Variants in CAMK2D observed in about 807,000 individuals in gnomAD.
CAMK2D encodes calcium/calmodulin dependent protein kinase II delta.
In CAMK2D, 37 loss-of-function variants were observed where a neutral mutation model predicts 84.0. That is an observed-to-expected ratio of 0.44 (90% CI 0.34 to 0.58). CAMK2D has a LOEUF of 0.58. Among genes scored for constraint, CAMK2D ranks in the 20% least tolerant of loss-of-function variants. The pLI, the probability that CAMK2D is intolerant of heterozygous loss-of-function variation, is 0.02. For synonymous variants in CAMK2D, 202 were observed against 212.5 expected (o/e 0.95, Z 0.43); for missense variants, 448 against 652.5 (o/e 0.69, Z 3.41).
chr4:113,617,021 C>G (rs891284142), intron 3 of CAMK2D, among the ~76,000 whole-genome samples: 1 of 152,150 alleles, frequency 6.6e-6, no homozygotes, highest in East Asian at 1.9e-4. Context: ...TTCCTTCCCT[C>G]TTTAAATTTT....
chr4:113,460,654 T>C (rs957785596), intron 17 of CAMK2D, among the ~76,000 whole-genome samples: 3 of 150,998 alleles, frequency 2.0e-5, no homozygotes, highest in African/African-American at 4.8e-5. Context: ...TCTTTGATTC[T>C]GAAATTAAAT....
intron 2 of CAMK2D, among the ~76,000 whole-genome samples, chr4:113,741,040 T>C (rs955031790): frequency 4.6e-5 from 7 of 152,288 alleles, no homozygotes; most frequent in Middle Eastern, 3.4e-3. Context: ...TGGATCCACA[T>C]TGTTTATGCT....
intron 16 of CAMK2D, among the ~76,000 whole-genome samples, chr4:113,493,656 G>A (rs1399209660): frequency 1.3e-5 from 2 of 151,684 alleles, no homozygotes; most frequent in East Asian, 3.9e-4. Context: ...TCTTTGTGGT[G>A]TTCTCTGTAT....
chr4:113,521,237 G>T (rs1179150985), intron 8 of CAMK2D, among the ~76,000 whole-genome samples: 1 of 152,060 alleles, frequency 6.6e-6, no homozygotes, highest in Non-Finnish European at 1.5e-5. Flanking sequence ...GTTGAATTTT[G>T]ATTATCATTA....
At chr4:113,694,821 C>T (rs1015940942) in intron 2 of CAMK2D, among the ~76,000 whole-genome samples, 6 of 152,174 alleles carry the variant, frequency 3.9e-5, no homozygotes, top group Non-Finnish European at 7.3e-5. Context: ...TGGTTTACTA[C>T]GTGAGACCAG....
At chr4:113,625,859 C>A (rs1212150435) in intron 3 of CAMK2D, among the ~76,000 whole-genome samples, 1 of 151,890 alleles carries the variant, frequency 6.6e-6, no homozygotes, top group Non-Finnish European at 1.5e-5. Flanking sequence ...AAGGTAGAAA[C>A]ACAGAAACAT....
intron 4 of CAMK2D, among the ~76,000 whole-genome samples, chr4:113,586,140 C>T (rs926561934): frequency 6.6e-6 from 1 of 152,176 alleles, no homozygotes; most frequent in African/African-American, 2.4e-5. Context: ...TTTCCAGCTC[C>T]ACAAGCTAGC....
chr4:113,709,755 A>ATATATATATATATATATGTATGTG (rs2099484440), intron 2 of CAMK2D, among the ~76,000 whole-genome samples: 1 of 97,660 alleles, frequency 1.0e-5, no homozygotes, highest in African/African-American at 4.6e-5. Flanking sequence ...CGATATATAT[A>ATATATATATATATATATGTATGTG]TATATATATA....
intron 2 of CAMK2D, among the ~76,000 whole-genome samples, chr4:113,752,409 A>G (rs1006032306): frequency 2.0e-5 from 3 of 152,272 alleles, no homozygotes; most frequent in South Asian, 2.1e-4. Context: ...TTTTTCAACA[A>G]ATATAGAACT....
chr4:113,754,681 CTTT>C, intron 2 of CAMK2D: 2 of 810,210 alleles, frequency 2.5e-6, no homozygotes, highest in African/African-American at 1.9e-5. Context: ...TGTGGATATA[CTTT>C]TTTTTTTTAT....
chr4:113,732,020 T>A (rs2099570256), intron 2 of CAMK2D, among the ~76,000 whole-genome samples: 1 of 152,166 alleles, frequency 6.6e-6, no homozygotes, highest in Non-Finnish European at 1.5e-5. Context: ...CTGGGTGATG[T>A]GAGGTGGGTC....
chr4:113,491,604 C>CT (rs913343007), intron 16 of CAMK2D, among the ~76,000 whole-genome samples: 161 of 152,100 alleles, frequency 1.1e-3, no homozygotes, highest in African/African-American at 3.7e-3. Flanking sequence ...CTAAAATTCT[C>CT]TTTTTTTGTT....
rs905305161 is a variant in CAMK2D, at chr4:113,451,517, T to C, written c.*3028A>G. ...ATTTTACAAATATGGAAACTGAGGG[T>C]CAGAGGGAAGAGGTAACTTGCTCAG... On this transcript the variant is annotated 3_prime_UTR_variant, in exon 21 of 21. Transcript: ENST00000511664. The C allele has an allele frequency of 5.9e-5, 9 of 152,126 alleles. No homozygotes were observed. The highest frequency in any genetic ancestry group is 5.2e-4 in the Admixed American group (8 of 15,254). The allele number at this position is 152,126 out of a possible 1,614,324, so 9.4% of individuals were successfully genotyped here.
chr4:113,593,998 G>A (rs2098909332), intron 4 of CAMK2D, among the ~76,000 whole-genome samples: 1 of 152,006 alleles, frequency 6.6e-6, no homozygotes, highest in South Asian at 2.1e-4. Context: ...TTTATAGCAA[G>A]CTTAACTGGC....
In CAMK2D at chr4:113,596,749, G is replaced by A. The variant is rs144418352; in HGVS notation, c.275+12403C>T. Among the ~76,000 whole-genome samples, 118 of 152,048 alleles carry A rather than the reference G, an allele frequency of 7.8e-4. 2 individuals are homozygous for A. Among genetic ancestry groups the A allele is most frequent in the South Asian group, 7.3e-3 (35 of 4,812 alleles). Reference sequence around the variant, plus strand: ...CCATGATGTAAACAGATGTGCTGTCGTCTCGGCTTTGTTGTTATATTTATT... The same window carrying A: ...CCATGATGTAAACAGATGTGCTGTCATCTCGGCTTTGTTGTTATATTTATT... On this transcript the variant is annotated intron_variant, in intron 4 of 20. Transcript: ENST00000511664.
chr4:113,611,555 G>A (rs967654080), intron 3 of CAMK2D, among the ~76,000 whole-genome samples: 5 of 152,164 alleles, frequency 3.3e-5, no homozygotes, highest in Admixed American at 6.5e-5. Flanking sequence ...TGTCCAGATC[G>A]AAGAGGTATA....
intron 2 of CAMK2D, chr4:113,754,805 G>A (rs368940749): frequency 8.1e-6 from 8 of 982,754 alleles, no homozygotes; most frequent in East Asian, 1.1e-4. Flanking sequence ...ACAACTAAAC[G>A]TAAGTAAAGG....
chr4:113,704,669 C>T (rs912225503), intron 2 of CAMK2D, among the ~76,000 whole-genome samples: 6 of 152,058 alleles, frequency 3.9e-5, no homozygotes, highest in African/African-American at 1.4e-4. Flanking sequence ...ATAGAACCTA[C>T]AGATCCTCAG....
rs187088280 is a variant in CAMK2D, at chr4:113,745,866, C to A, written c.160+13454G>T. Among the ~76,000 whole-genome samples, 5 of 152,316 alleles carry A rather than the reference C, an allele frequency of 3.3e-5. No individual in the cohort carries two copies. In the East Asian group the frequency reaches 9.6e-4, roughly 29 times the overall value. ...TTTCAGCTGGATAACGCTGTCTCCT[C>A]CATTCTCTGGCCCAGGAAGGAATAT... On this transcript the variant is annotated intron_variant, in intron 2 of 20. Coordinates refer to ENST00000511664, the MANE Select transcript of CAMK2D (RefSeq NM_001321571.2).
Sources: gnomAD v4.1 joint callset for allele counts (sites outside exome capture counted in the v4.1 genomes callset) on GRCh38, gnomAD v4.1.1 for gene constraint, MANE v1.5 for transcripts, NCBI Gene and HGNC (gene_info 2026-07-23, HGNC 2026-07-21) for gene names.